The following MEF2D variants were observed in gnomAD, a reference collection of about 807,000 sequenced individuals.
MEF2D encodes the protein myocyte-specific enhancer factor 2D.
A neutral mutation model predicts 59.3 loss-of-function variants in MEF2D; 10 were observed. The ratio of observed to expected loss-of-function variants is 0.17; its 90% confidence interval spans 0.10 to 0.29. MEF2D has a LOEUF of 0.29. Ranked by LOEUF, MEF2D falls within the 10% of genes least tolerant of loss-of-function variation. The pLI, the probability that MEF2D is intolerant of heterozygous loss-of-function variation, is 1.00. For missense variants in MEF2D, 508 were observed against 699.4 expected (o/e 0.73, Z 3.09); for synonymous variants, 305 against 295.0 (o/e 1.03, Z -0.35).
intron 1 of MEF2D, among the ~76,000 whole-genome samples, chr1:156,494,281 C>T (rs1292258099): frequency 6.6e-6 from 1 of 152,040 alleles, no homozygotes; most frequent in Admixed American, 6.5e-5. Flanking sequence ...CACCCGCCTG[C>T]CGTGCATTTC....
intron 1 of MEF2D, among the ~76,000 whole-genome samples, chr1:156,497,494 C>CATCG (rs1673198684): frequency 6.6e-6 from 1 of 152,208 alleles, no homozygotes; most frequent in African/African-American, 2.4e-5. Context: ...TCCAGGCTCA[C>CATCG]ATCGGATCCT....
At chr1:156,491,768 T>TG (rs1672814704) in intron 1 of MEF2D, among the ~76,000 whole-genome samples, 1 of 152,228 alleles carries the variant, frequency 6.6e-6, no homozygotes, top group South Asian at 2.1e-4. Context: ...CGAGCTGCAA[T>TG]GACTCACCAC....
At position 156,476,610 on chromosome 1, in the gene MEF2D, A is replaced by G. The variant is rs1056271020; in HGVS notation, c.856-96T>C. Reference sequence around the variant, plus strand: ...ACAGCTGTTCCAGTCACCTCTCTGCATAAGAGTAGGGTGGCTCTACCCAGC... The same window carrying G: ...ACAGCTGTTCCAGTCACCTCTCTGCGTAAGAGTAGGGTGGCTCTACCCAGC... On this transcript the variant is annotated intron_variant, in intron 7 of 11. Coordinates refer to ENST00000348159, the MANE Select transcript of MEF2D (RefSeq NM_005920.4). 1.9e-5 allele frequency: 28 copies of G among 1,483,384 alleles called. No homozygotes were observed. The African/African-American group carries it at 2.5e-4, about 13-fold the overall frequency. The allele number at this position is 1,483,384 out of a possible 1,614,324, so 91.9% of individuals were successfully genotyped here. A position where few individuals can be genotyped will look rare whatever the true frequency, so the allele number is the denominator to read the frequency against.
intron 3 of MEF2D, among the ~76,000 whole-genome samples, chr1:156,482,088 G>A (rs1672057936): frequency 6.6e-6 from 1 of 152,274 alleles, no homozygotes; most frequent in Non-Finnish European, 1.5e-5. Context: ...CACACCAGAA[G>A]ATGGAGAAGC....
intron 4 of MEF2D, among the ~76,000 whole-genome samples, chr1:156,480,177 G>A (rs2102106161): frequency 6.6e-6 from 1 of 152,260 alleles, no homozygotes; most frequent in Non-Finnish European, 1.5e-5. Context: ...TTAAAGGCTT[G>A]CACCACGGGT....
intron 9 of MEF2D, among the ~76,000 whole-genome samples, chr1:156,469,615 C>T (rs1274740519): frequency 1.4e-5 from 2 of 144,558 alleles, no homozygotes; most frequent in East Asian, 4.0e-4. Flanking sequence ...AACAGCTGGG[C>T]GAGTGGCTCA....
intron 4 of MEF2D, 91 bp from the exon 5 acceptor site, chr1:156,479,887 C>A: frequency 7.8e-7 from 1 of 1,287,098 alleles, no homozygotes; most frequent in South Asian, 1.3e-5. Flanking sequence ...GGGTTCTTCT[C>A]ATTTCTGGGC....
At chr1:156,482,698 T>A in intron 2 of MEF2D, 58 bp from the exon 3 acceptor site, 1 of 1,524,600 alleles carries the variant, frequency 6.6e-7, no homozygotes, top group South Asian at 1.1e-5. Context: ...TGATTGGGAG[T>A]CCCAGCCTAC....
rs1276106098 is a variant in MEF2D, at chr1:156,494,454, G to A, written c.-139+6032C>T. ...CGTGGGGCTAAGTGTGGAGGAGGCAGGTTCTGAGACAAGGAGACGGCTGGA... is the reference window on the plus strand; with the variant it reads ...CGTGGGGCTAAGTGTGGAGGAGGCAAGTTCTGAGACAAGGAGACGGCTGGA... On this transcript the variant is annotated intron_variant, in intron 1 of 11. Coordinates refer to ENST00000348159, the MANE Select transcript of MEF2D (RefSeq NM_005920.4). Among the ~76,000 whole-genome samples the A allele has an allele frequency of 2.6e-5, 4 of 152,186 alleles. No homozygotes were observed. In the East Asian group the frequency reaches 5.8e-4, roughly 22 times the overall value.
intron 1 of MEF2D, among the ~76,000 whole-genome samples, chr1:156,492,143 G>A (rs1672841100): frequency 6.6e-6 from 1 of 152,272 alleles, no homozygotes; most frequent in African/African-American, 2.4e-5. Flanking sequence ...CGTCACAGGA[G>A]AAGAATCCCA....
Position 156,467,412 on chromosome 1 carries a change from T to C in MEF2D, c.*233A>G, listed in dbSNP as rs2101966856. 1 of 189,884 alleles carries C rather than the reference T, an allele frequency of 5.3e-6. No individual in the cohort carries two copies. Among genetic ancestry groups the C allele is most frequent in the East Asian group, 1.2e-4 (1 of 8,018 alleles). The allele number at this position is 189,884 out of a possible 1,614,324, so 11.8% of individuals were successfully genotyped here. On this transcript the variant is annotated 3_prime_UTR_variant, in exon 12 of 12. Transcript: ENST00000348159. ...CCCAGCCAGTGAAAATGGTGGGGGG[T>C]ACAGAAAGAGGGGATGAGAGCATCC...
At chr1:156,494,771 C>A (rs1571273960) in intron 1 of MEF2D, among the ~76,000 whole-genome samples, 1 of 152,356 alleles carries the variant, frequency 6.6e-6, no homozygotes, top group Middle Eastern at 3.4e-3. Flanking sequence ...GAAACTCACA[C>A]AGAGATGGGC....
rs1670783709 is a variant in MEF2D at position 156,465,524 on chromosome 1, T to C, written c.*2121A>G. 6.6e-6 allele frequency: 1 copy of C among 152,230 alleles called. No homozygotes were observed. The highest frequency in any genetic ancestry group is 2.1e-4 in the South Asian group (1 of 4,826). 9.4% of individuals were successfully genotyped at this position (152,230 alleles called of 1,614,324 possible). ...GCTGGAGCAGCCAACTCTCCCTTTGTAAACACACACCAGGCACACTCAGAC... is the reference window on the plus strand; with the variant it reads ...GCTGGAGCAGCCAACTCTCCCTTTGCAAACACACACCAGGCACACTCAGAC... On this transcript the variant is annotated 3_prime_UTR_variant, in exon 12 of 12. Coordinates refer to ENST00000348159, the MANE Select transcript of MEF2D (RefSeq NM_005920.4).
chr1:156,490,020 G>A (rs1672681290), intron 1 of MEF2D, among the ~76,000 whole-genome samples: 1 of 152,138 alleles, frequency 6.6e-6, no homozygotes, highest in African/African-American at 2.4e-5. Flanking sequence ...AGCCGGTGAT[G>A]CCCCCAAACA....
chr1:156,469,603 A>AAC (rs1553210297), intron 9 of MEF2D, among the ~76,000 whole-genome samples: 80,790 of 148,924 alleles, frequency 0.54, 23,878 homozygotes, highest in East Asian at 0.73. Context: ...AAAAAAAAAA[A>AAC]AAACAGCTGG....
At chr1:156,499,256 G>C (rs527465191) in intron 1 of MEF2D, among the ~76,000 whole-genome samples, 1 of 152,140 alleles carries the variant, frequency 6.6e-6, no homozygotes, top group Non-Finnish European at 1.5e-5. Flanking sequence ...GAGTGGATAA[G>C]GGCCACCTCC....
Position 156,500,701 on chromosome 1 carries a change from G to A in MEF2D, c.-354C>T, listed in dbSNP as rs1673445778. Reference sequence around the variant, plus strand: ...GGGCGGCAGGCAAGCGGGGAACCGGGGCCGAGCGCCTGAGCCGCCTCGGCT... The same window carrying A: ...GGGCGGCAGGCAAGCGGGGAACCGGAGCCGAGCGCCTGAGCCGCCTCGGCT... On this transcript the variant is annotated 5_prime_UTR_variant, in exon 1 of 12. Transcript: ENST00000348159. 1 of 152,086 alleles carries A rather than the reference G, an allele frequency of 6.6e-6. No individual in the cohort carries two copies. Among genetic ancestry groups the A allele is most frequent in the African/African-American group, 2.4e-5 (1 of 41,416 alleles). 9.4% of individuals were successfully genotyped at this position (152,086 alleles called of 1,614,324 possible).
chr1:156,491,095 C>A (rs191603948), intron 1 of MEF2D, among the ~76,000 whole-genome samples: 1 of 152,156 alleles, frequency 6.6e-6, no homozygotes, highest in South Asian at 2.1e-4. Context: ...TTGGGGGCAA[C>A]AGGAGATTGA....
At chr1:156,473,024 C>CA (rs1671332389) in intron 9 of MEF2D, among the ~76,000 whole-genome samples, 3 of 135,882 alleles carry the variant, frequency 2.2e-5, no homozygotes, top group African/African-American at 8.2e-5. Context: ...TATGTTTGAA[C>CA]TTTTTTTTTT....
Sources: gnomAD v4.1 joint callset for allele counts (sites outside exome capture counted in the v4.1 genomes callset) on GRCh38, gnomAD v4.1.1 for gene constraint, MANE v1.5 for transcripts, NCBI Gene and HGNC (gene_info 2026-07-23, HGNC 2026-07-21) for gene names.